The following AMPD3 variants were observed in gnomAD, a reference collection of about 807,000 sequenced individuals.
AMPD3 encodes adenosine monophosphate deaminase 3, also known as AMP deaminase 3.
AMPD3 carries 57 observed loss-of-function variants against 82.3 expected under a neutral mutation model. That is an observed-to-expected ratio of 0.69 (90% CI 0.56 to 0.86). AMPD3 has a LOEUF of 0.86. AMPD3 is among the 40% of genes least tolerant of loss of function. The probability of loss-of-function intolerance (pLI) is 0.00; values close to 1 mark genes in which losing one functional copy is unlikely to be tolerated. For missense variants in AMPD3, 870 were observed against 1,003.8 expected, an observed-to-expected ratio of 0.87 and a Z score of 1.80; for synonymous variants, 381 against 394.7, an observed-to-expected ratio of 0.97 and a Z score of 0.41.
Position 10,484,819 on chromosome 11 carries a change from G to A in AMPD3, c.590-1G>A. The A allele has an allele frequency of 6.2e-7, 1 of 1,613,832 alleles. No individual in the cohort carries two copies. The highest frequency in any genetic ancestry group is 1.1e-5 in the South Asian group (1 of 91,076). On this transcript the variant is annotated splice_acceptor_variant, in intron 4 of 14. Transcript: ENST00000396553. LOFTEE classifies it high-confidence loss of function. ...TGCCATCCCTCAATCCTGTTTTGCA[G>A]ACTTCCACCCTCCTCCACTGCCCCA... is the stretch of plus-strand genomic sequence containing the variant.
At chr11:10,465,829 T>TG (rs1263403744) in intron 2 of AMPD3, among the ~76,000 whole-genome samples, 1 of 151,058 alleles carries the variant, frequency 6.6e-6, no homozygotes, top group African/African-American at 2.4e-5. Flanking sequence ...GTTTTTTTTT[T>TG]TTTTTTTTTT....
chr11:10,494,771 G>A, intron 7 of AMPD3, 128 bp from the exon 8 acceptor site: 2 of 1,572,952 alleles, frequency 1.3e-6, no homozygotes, highest in South Asian at 2.2e-5. Context: ...AAGGTTTCAT[G>A]CAAGAATTGA....
At chr11:10,479,573 T>C (rs990550420) in intron 3 of AMPD3, among the ~76,000 whole-genome samples, 3 of 152,196 alleles carry the variant, frequency 2.0e-5, no homozygotes, top group African/African-American at 7.2e-5. Flanking sequence ...ACAAAAATGG[T>C]ATCAATTATT....
intron 2 of AMPD3, among the ~76,000 whole-genome samples, chr11:10,465,059 G>A (rs1485594850): frequency 3.3e-5 from 5 of 152,202 alleles, no homozygotes; most frequent in Non-Finnish European, 7.3e-5. Flanking sequence ...TTCCTAAACT[G>A]CAAAATGAGA....
At chr11:10,488,963 G>T (rs988496384) in intron 6 of AMPD3, among the ~76,000 whole-genome samples, 1 of 152,176 alleles carries the variant, frequency 6.6e-6, no homozygotes, top group Non-Finnish European at 1.5e-5. Flanking sequence ...TCTGTTACAC[G>T]CCAGGGGTCC....
chr11:10,497,531 C>G, intron 10 of AMPD3: 1 of 972,420 alleles, frequency 1.0e-6, no homozygotes, highest in Non-Finnish European at 1.2e-6. Context: ...GTGATACAGG[C>G]CAGTGCCTGG....
rs745882650 is a variant in AMPD3 at position 10,501,608 on chromosome 11, G to A, written c.1842+18G>A. ...TCAAGAAGGTAACCAGGTCACTCTCGGGAGCCCGTCCTGAGTGACTGCCCT... is the reference window on the plus strand; with the variant it reads ...TCAAGAAGGTAACCAGGTCACTCTCAGGAGCCCGTCCTGAGTGACTGCCCT... On this transcript the variant is annotated intron_variant, in intron 12 of 14. Coordinates refer to ENST00000396553, the MANE Select transcript of AMPD3 (RefSeq NM_001025389.2). 1.3e-5 allele frequency: 21 copies of A among 1,613,966 alleles called. No homozygotes were observed. The South Asian group carries it at 1.4e-4, about 11-fold the overall frequency.
At chr11:10,457,254 A>G (rs1389728661) in intron 1 of AMPD3, among the ~76,000 whole-genome samples, 2 of 151,992 alleles carry the variant, frequency 1.3e-5, no homozygotes, top group Non-Finnish European at 2.9e-5. Context: ...CTTGGATTAT[A>G]GGCATGAGCC....
chr11:10,495,766 C>T (rs760073253), intron 9 of AMPD3, 33 bp downstream of exon 9: 2 of 1,613,158 alleles, frequency 1.2e-6, no homozygotes, highest in Admixed American at 3.3e-5. Context: ...TACCCTGTGC[C>T]CTACAGAGGT....
At chr11:10,461,786 C>A in intron 2 of AMPD3, 46 bp downstream of exon 2, 3 of 1,541,790 alleles carry the variant, frequency 1.9e-6, no homozygotes, top group Non-Finnish European at 2.6e-6. Flanking sequence ...GTCATGCAGA[C>A]CCAGGCAGGC....
At chr11:10,497,792 T>C (rs571689525) in intron 10 of AMPD3, 56 of 985,144 alleles carry the variant, frequency 5.7e-5, no homozygotes, top group Non-Finnish European at 6.6e-5. Context: ...CCAGCGGAAA[T>C]AGCTCACACT....
intron 4 of AMPD3, 155 bp from the exon 5 acceptor site, chr11:10,484,665 G>A (rs975761288): frequency 1.2e-4 from 77 of 668,382 alleles, no homozygotes; most frequent in Non-Finnish European, 1.4e-4. Context: ...AAGTGCTGAC[G>A]AGACAAAAGG....
intron 2 of AMPD3, 68 bp downstream of exon 2, chr11:10,461,808 G>A (rs1354705387): frequency 2.7e-6 from 4 of 1,470,232 alleles, no homozygotes; most frequent in African/African-American, 1.4e-5. Flanking sequence ...GTGGGTGTGT[G>A]TCCTGATATG....
At chr11:10,473,859 A>T (rs1443516936) in intron 2 of AMPD3, among the ~76,000 whole-genome samples, 2 of 152,152 alleles carry the variant, frequency 1.3e-5, no homozygotes, top group Non-Finnish European at 2.9e-5. Context: ...GTCCCGCCTG[A>T]TGGCATTCAG....
At chr11:10,465,521 A>G (rs939342444) in intron 2 of AMPD3, among the ~76,000 whole-genome samples, 1 of 152,240 alleles carries the variant, frequency 6.6e-6, no homozygotes, top group African/African-American at 2.4e-5. Flanking sequence ...GTACTGGTTC[A>G]TCTCACTGGG....
chr11:10,467,720 T>A (rs908084761), intron 2 of AMPD3, among the ~76,000 whole-genome samples: 10 of 152,130 alleles, frequency 6.6e-5, no homozygotes, highest in Non-Finnish European at 1.5e-4. Flanking sequence ...AATCGTCAGA[T>A]GCCCCAAGGT....
chr11:10,488,143 T>C, intron 6 of AMPD3: 7 of 920,464 alleles, frequency 7.6e-6, no homozygotes, highest in Non-Finnish European at 9.1e-6. Context: ...ATGGCAGCCT[T>C]GTCCGGGGCT....
chr11:10,461,316 A>G (rs568339118), intron 1 of AMPD3, 199 bp from the exon 2 acceptor site: 461 of 1,568,800 alleles, frequency 2.9e-4, no homozygotes, highest in Non-Finnish European at 3.7e-4. Flanking sequence ...CTGACACCTA[A>G]GTGGCCCTAC....
At chr11:10,481,310 CA>C (rs1376099114) in intron 3 of AMPD3, 2 of 401,520 alleles carry the variant, frequency 5.0e-6, no homozygotes, top group African/African-American at 4.4e-5. Flanking sequence ...TTTGTTTCGC[CA>C]TCTGAAGGAC....
Sources: allele counts gnomAD v4.1 joint callset (sites outside exome capture counted in the v4.1 genomes callset), GRCh38; gene constraint gnomAD v4.1.1; transcripts MANE v1.5; gene names NCBI Gene and HGNC (gene_info 2026-07-23, HGNC 2026-07-21).